Variants in VTCN1 observed in about 807,000 individuals in gnomAD.
VTCN1 encodes V-set domain-containing T-cell activation inhibitor 1.
VTCN1 carries 26 observed loss-of-function variants against 26.5 expected under a neutral mutation model. The observed-to-expected ratio is 0.98, with a 90% CI of 0.72 to 1.36. VTCN1 has a LOEUF of 1.36. VTCN1 is among the 40% of genes most tolerant of loss of function. The pLI is 0.00. For missense variants in VTCN1, 298 were observed against 337.7 expected, an observed-to-expected ratio of 0.88 and a Z score of 0.92; for synonymous variants, 116 against 130.7, an observed-to-expected ratio of 0.89 and a Z score of 0.77.
intron 1 of VTCN1, among the ~76,000 whole-genome samples, chr1:117,180,080 A>AATCTTACATAGATT (rs1647596194): frequency 2.0e-5 from 3 of 152,206 alleles, no homozygotes; most frequent in African/African-American, 4.8e-5. Context: ...ATGGAAGGAC[A>AATCTTACATAGATT]GCACATACAA....
rs1652811554 is a variant in VTCN1 at position 117,169,930 on chromosome 1, T to C, written c.97+177A>G. Among the ~76,000 whole-genome samples, 1 of 152,074 alleles carries C rather than the reference T, an allele frequency of 6.6e-6. No homozygotes were observed. Among genetic ancestry groups the C allele is most frequent in the Non-Finnish European group, 1.5e-5 (1 of 68,010 alleles). On this transcript the variant is annotated intron_variant, in intron 2 of 5. Transcript: ENST00000369458. This position sits in a 1 kb window ranked among gnomAD's most constrained non-coding sequence, Gnocchi z 4.0. ...AATAAATAATAAAAAATGAGGACAC[T>C]GAAGTCGAGGACTTAACTGACTAAT...
intron 2 of VTCN1, among the ~76,000 whole-genome samples, chr1:117,163,511 G>C (rs1652472478): frequency 6.6e-6 from 1 of 152,180 alleles, no homozygotes; most frequent in African/African-American, 2.4e-5. Context: ...CAGAGCCCCA[G>C]GAGGTAAGGA....
chr1:117,173,364 G>GC lies in VTCN1; in HGVS notation c.33-3194_33-3193insG, dbSNP rs1440897116. 2.0e-5 allele frequency: 8 copies of GC among 402,186 alleles called. No homozygotes were observed. The East Asian group carries it at 3.1e-4, about 16-fold the overall frequency. 24.9% of individuals were successfully genotyped at this position (402,186 alleles called of 1,614,324 possible). On this transcript the variant is annotated intron_variant, in intron 1 of 5. Coordinates refer to ENST00000369458, the MANE Select transcript of VTCN1 (RefSeq NM_024626.4). ...AAAAAGGGGAAATTTGGACACAGATGAACACACACACACACACACACACAC... is the reference window on the plus strand; with the variant it reads ...AAAAAGGGGAAATTTGGACACAGATGCAACACACACACACACACACACACAC...
At chr1:117,206,115 A>G (rs904560488) in intron 1 of VTCN1, among the ~76,000 whole-genome samples, 2 of 151,360 alleles carry the variant, frequency 1.3e-5, no homozygotes, top group African/African-American at 4.9e-5. Context: ...CAGATTCACG[A>G]CAACAAAAGG....
chr1:117,173,139 G>A lies in VTCN1; in HGVS notation c.33-2968C>T, dbSNP rs978345036. The A allele has an allele frequency of 2.5e-5, 18 of 713,802 alleles. No homozygotes were observed. The Admixed American group carries it at 2.6e-4, about 10-fold the overall frequency. The allele number at this position is 713,802 out of a possible 1,614,324, so 44.2% of individuals were successfully genotyped here. ...CCCACAGGGAGGAGCAAACAACTCC[G>A]GAACAAACAACTCCGGACGCGCCAC... On this transcript the variant is annotated intron_variant, in intron 1 of 5. Transcript: ENST00000369458.
chr1:117,167,968 AAG>A lies in VTCN1; in HGVS notation c.97+2137_97+2138del. On this transcript the variant is annotated intron_variant, in intron 2 of 5. Transcript: ENST00000369458. The surrounding 1 kb of genome is among the most constrained non-coding windows in gnomAD (Gnocchi z 4.1). The stretch of plus-strand genomic sequence containing the variant: ...AGAAAGAGAGAGCAGAAGAAAGAAA[AAG>A]AGAAAGAGAGAAGACTAGAGAGAAA... Among the ~76,000 whole-genome samples, 1 of 152,228 alleles carries A rather than the reference AAG, an allele frequency of 6.6e-6. No homozygotes were observed. Among genetic ancestry groups the A allele is most frequent in the African/African-American group, 2.4e-5 (1 of 41,566 alleles).
At position 117,155,493 on chromosome 1, in the gene VTCN1, C is replaced by A. The variant is rs146402141; in HGVS notation, c.445+1081G>T. Among the ~76,000 whole-genome samples the A allele has an allele frequency of 3.3e-5, 5 of 152,264 alleles. No individual in the cohort carries two copies. The East Asian group carries it at 7.7e-4, about 23-fold the overall frequency. On this transcript the variant is annotated intron_variant, in intron 3 of 5. Transcript: ENST00000369458. The surrounding 1 kb of genome is among the most constrained non-coding windows in gnomAD (Gnocchi z 4.8). ...TGAAGTCATATGTATTTATTCTATA[C>A]CTTTGAGTTATAATTCAATACTATG...
chr1:117,146,946 T>C lies in VTCN1; in HGVS notation c.*45+667A>G, dbSNP rs564865482. Among the ~76,000 whole-genome samples the C allele has an allele frequency of 4.6e-5, 7 of 151,512 alleles. No homozygotes were observed. Among genetic ancestry groups the C allele is most frequent in the Admixed American group, 2.6e-4 (4 of 15,204 alleles). On this transcript the variant is annotated intron_variant, in intron 5 of 5. Coordinates refer to ENST00000369458, the MANE Select transcript of VTCN1 (RefSeq NM_024626.4). The surrounding 1 kb of genome is among the most constrained non-coding windows in gnomAD (Gnocchi z 4.2). Reference sequence around the variant, plus strand: ...ATCTGAGAGGCAACACAGGGGAAAATGTGATAGGTAGGGGTTGATAAGAAA... The same window carrying C: ...ATCTGAGAGGCAACACAGGGGAAAACGTGATAGGTAGGGGTTGATAAGAAA...
rs1379343496 is a variant in VTCN1, at chr1:117,161,799, C to A, written c.98-4878G>T. On this transcript the variant is annotated intron_variant, in intron 2 of 5. Transcript: ENST00000369458. This position sits in a 1 kb window ranked among gnomAD's most constrained non-coding sequence, Gnocchi z 4.3. ...AATACTGAGAGGTTCACAATAAAATCATGAATCAAATACAACTATGTTACA... is the reference window on the plus strand; with the variant it reads ...AATACTGAGAGGTTCACAATAAAATAATGAATCAAATACAACTATGTTACA... Among the ~76,000 whole-genome samples, 1 of 152,066 alleles carries A rather than the reference C, an allele frequency of 6.6e-6. No individual in the cohort carries two copies. Among genetic ancestry groups the A allele is most frequent in the Non-Finnish European group, 1.5e-5 (1 of 68,012 alleles).
rs989341660 is a variant in VTCN1, at chr1:117,146,334, A to G, written c.*46-1109T>C. Among the ~76,000 whole-genome samples, 1 of 152,202 alleles carries G rather than the reference A, an allele frequency of 6.6e-6. No individual in the cohort carries two copies. The highest frequency in any genetic ancestry group is 1.5e-5 in the Non-Finnish European group (1 of 68,038). ...TGAAAACTGGCGGGTTTCCTTACAA[A>G]GAATCTCCTTTGTTCACTGCACTAT... On this transcript the variant is annotated intron_variant, in intron 5 of 5. Coordinates refer to ENST00000369458, the MANE Select transcript of VTCN1 (RefSeq NM_024626.4). This position sits in a 1 kb window ranked among gnomAD's most constrained non-coding sequence, Gnocchi z 4.2.
chr1:117,152,948 A>C (rs1224124539), intron 4 of VTCN1, 143 bp downstream of exon 4: 5 of 949,264 alleles, frequency 5.3e-6, no homozygotes, highest in Non-Finnish European at 7.8e-6. Context: ...TACAATCTCA[A>C]CTGGAATTGA....
In VTCN1 at chr1:117,147,091, T is replaced by G. The variant is rs995966276; in HGVS notation, c.*45+522A>C. ...CTGGAACTTCATGATCTCAGCTTTA[T>G]ACACATTTCATATGCAGAAGAATAT... On this transcript the variant is annotated intron_variant, in intron 5 of 5. Transcript: ENST00000369458. This position sits in a 1 kb window ranked among gnomAD's most constrained non-coding sequence, Gnocchi z 4.6. 7.2e-5 allele frequency among the ~76,000 whole-genome samples: 11 copies of G among 152,132 alleles called. No individual in the cohort carries two copies. The highest frequency in any genetic ancestry group is 2.4e-4 in the African/African-American group (10 of 41,416).
rs936572709 is a variant in VTCN1, at chr1:117,145,602, G to A, written c.*46-377C>T. 2.6e-5 allele frequency among the ~76,000 whole-genome samples: 4 copies of A among 152,234 alleles called. No homozygotes were observed. The highest frequency in any genetic ancestry group is 7.2e-5 in the African/African-American group (3 of 41,552). Reference sequence around the variant, plus strand: ...CTAAAATGCCATTACCCATTATAATGTGTGTCTCAAATAATGTTCTATTCA... The same window carrying A: ...CTAAAATGCCATTACCCATTATAATATGTGTCTCAAATAATGTTCTATTCA... On this transcript the variant is annotated intron_variant, in intron 5 of 5. Transcript: ENST00000369458. The surrounding 1 kb of genome is among the most constrained non-coding windows in gnomAD (Gnocchi z 4.6).
intron 1 of VTCN1, among the ~76,000 whole-genome samples, chr1:117,203,398 G>C (rs1648889056): frequency 6.6e-6 from 1 of 152,102 alleles, no homozygotes; most frequent in South Asian, 2.1e-4. Context: ...TGCACTGTCT[G>C]TCTCTCAAAT....
intron 2 of VTCN1, among the ~76,000 whole-genome samples, chr1:117,164,806 C>CA (rs1178979939): frequency 1.3e-5 from 2 of 152,206 alleles, no homozygotes; most frequent in African/African-American, 4.8e-5. Context: ...GCCTTTCCAT[C>CA]ACGTCTCCTT....
At chr1:117,152,280 G>A (rs1037697889) in intron 4 of VTCN1, among the ~76,000 whole-genome samples, 17 of 151,980 alleles carry the variant, frequency 1.1e-4, no homozygotes, top group African/African-American at 1.5e-4. Flanking sequence ...AGTTAGATTC[G>A]GCAAACATTT....
Position 117,155,774 on chromosome 1 carries a change from T to A in VTCN1, c.445+800A>T, listed in dbSNP as rs978857537. Among the ~76,000 whole-genome samples the A allele has an allele frequency of 2.0e-5, 3 of 152,210 alleles. No individual in the cohort carries two copies. The highest frequency in any genetic ancestry group is 7.2e-5 in the African/African-American group (3 of 41,458). ...GCTGGAAAGGCCCGGTTTCTGCCTATCCTTCAAGGCTCCCCTCAAATGCCA... is the reference window on the plus strand; with the variant it reads ...GCTGGAAAGGCCCGGTTTCTGCCTAACCTTCAAGGCTCCCCTCAAATGCCA... On this transcript the variant is annotated intron_variant, in intron 3 of 5. Transcript: ENST00000369458. The surrounding 1 kb of genome is among the most constrained non-coding windows in gnomAD (Gnocchi z 4.8).
At chr1:117,173,742 A>T (rs565395356) in intron 1 of VTCN1, among the ~76,000 whole-genome samples, 1 of 152,338 alleles carries the variant, frequency 6.6e-6, no homozygotes, top group East Asian at 1.9e-4. Flanking sequence ...TATTGCTGTA[A>T]GTTTATTATT....
intron 2 of VTCN1, among the ~76,000 whole-genome samples, chr1:117,166,954 G>A (rs140554194): frequency 1.6e-3 from 248 of 152,052 alleles, no homozygotes; most frequent in African/African-American, 5.9e-3. Flanking sequence ...TTAGCCAGGT[G>A]TGGTGGTGCA....
Sources: allele counts gnomAD v4.1 joint callset (sites outside exome capture counted in the v4.1 genomes callset), GRCh38; gene constraint gnomAD v4.1.1; non-coding constraint Gnocchi (gnomAD v3.1); transcripts MANE v1.5; gene names NCBI Gene and HGNC (gene_info 2026-07-23, HGNC 2026-07-21).